Variants in FEZ2 observed in about 807,000 individuals in gnomAD.
FEZ2 encodes the protein fasciculation and elongation protein zeta 2, also known as fasciculation and elongation protein zeta-2.
A neutral mutation model predicts 40.4 loss-of-function variants in FEZ2; 51 were observed. That is an observed-to-expected ratio of 1.26 (90% CI 1.01 to 1.59). FEZ2 has a LOEUF of 1.59. FEZ2 is among the 40% of genes most tolerant of loss of function. The pLI, the probability that FEZ2 is intolerant of heterozygous loss-of-function variation, is 0.00. For synonymous variants in FEZ2, 242 were observed against 172.0 expected (o/e 1.41, Z -3.18); for missense variants, 640 against 438.3 (o/e 1.46, Z -4.11).
At chr2:36,577,411 C>T (rs1447786720) in intron 5 of FEZ2, among the ~76,000 whole-genome samples, 1 of 152,134 alleles carries the variant, frequency 6.6e-6, no homozygotes, top group Non-Finnish European at 1.5e-5. Context: ...GCATGCAGCA[C>T]CACACCCGGC....
intron 5 of FEZ2, among the ~76,000 whole-genome samples, chr2:36,570,178 G>A (rs571083437): frequency 1.3e-5 from 2 of 151,954 alleles, no homozygotes; most frequent in African/African-American, 4.8e-5. Flanking sequence ...TAATTTTAAT[G>A]TGAATTATAA....
intron 5 of FEZ2, among the ~76,000 whole-genome samples, chr2:36,565,484 A>T (rs1260430578): frequency 6.6e-6 from 1 of 152,124 alleles, no homozygotes; most frequent in East Asian, 1.9e-4. Flanking sequence ...AGCTTTCACC[A>T]TAATGAGCAG....
At chr2:36,559,172 T>C (rs1017064736) in intron 5 of FEZ2, 4 of 152,184 alleles carry the variant, frequency 2.6e-5, no homozygotes, top group African/African-American at 4.8e-5. Context: ...AAATGAATAA[T>C]GAAAATTAAT....
intron 2 of FEZ2, among the ~76,000 whole-genome samples, chr2:36,589,000 C>A (rs1190883856): frequency 3.9e-5 from 6 of 152,144 alleles, no homozygotes; most frequent in Non-Finnish European, 7.4e-5. Flanking sequence ...GTGCATTCTG[C>A]ATTATTTTAA....
intron 1 of FEZ2, among the ~76,000 whole-genome samples, chr2:36,596,527 G>T (rs1248083277): frequency 1.3e-5 from 2 of 152,204 alleles, no homozygotes; most frequent in African/African-American, 4.8e-5. Flanking sequence ...TGCGATGATG[G>T]CTCACTGCAA....
chr2:36,554,332 CCTTCCATGCA>C, intron 7 of FEZ2: 1 of 470,948 alleles, frequency 2.1e-6, no homozygotes, highest in Non-Finnish European at 4.4e-6. Context: ...GTCATAACAT[CCTTCCATGCA>C]GTTAAATGCT....
chr2:36,597,976 T>G lies in FEZ2; in HGVS notation c.167A>C (p.Glu56Ala). 2.0e-6 allele frequency: 3 copies of G among 1,486,902 alleles called. No homozygotes were observed. The highest frequency in any genetic ancestry group is 2.7e-6 in the Non-Finnish European group (3 of 1,124,584). 92.1% of individuals were successfully genotyped at this position (1,486,902 alleles called of 1,614,324 possible). Residue 56 changes from glutamate to alanine, a missense_variant, in exon 1 of 8, where the codon GAG (glutamate) becomes GCG (alanine). Transcript: ENST00000405912. The part of the protein sequence containing the change: ...GFPAPACSLE[E>A]KLSLCFRPSD... ...GGGGCGGAAGCACAGGCTCAGCTTC[T>G]CCTCCAAGCTGCAGGCCGGGGCCGG...
At chr2:36,592,445 C>T (rs9677227) in intron 1 of FEZ2, among the ~76,000 whole-genome samples, 2,282 of 151,952 alleles carry the variant, frequency 0.015, 50 homozygotes, top group African/African-American at 0.051. Context: ...AGGGATTGGG[C>T]GCTAAAAAGA....
At chr2:36,562,474 C>T (rs1357693560) in intron 5 of FEZ2, among the ~76,000 whole-genome samples, 1 of 152,152 alleles carries the variant, frequency 6.6e-6, no homozygotes, top group African/African-American at 2.4e-5. Context: ...TTACAGGAGA[C>T]TGTACAAATA....
chr2:36,576,713 C>A (rs1668581309), intron 5 of FEZ2, among the ~76,000 whole-genome samples: 2 of 152,218 alleles, frequency 1.3e-5, no homozygotes, highest in Admixed American at 1.3e-4. Flanking sequence ...AAAATATTTA[C>A]TGTTACTATG....
At chr2:36,567,092 G>A (rs1334017381) in intron 5 of FEZ2, among the ~76,000 whole-genome samples, 1 of 152,082 alleles carries the variant, frequency 6.6e-6, no homozygotes, top group African/African-American at 2.4e-5. Flanking sequence ...GGAGAGACAG[G>A]TCTTAGGCAT....
intron 5 of FEZ2, among the ~76,000 whole-genome samples, chr2:36,559,576 C>G (rs570516796): frequency 6.6e-6 from 1 of 152,334 alleles, no homozygotes; most frequent in South Asian, 2.1e-4. Context: ...AGTGTCCCAC[C>G]GTCTTTTTGA....
intron 5 of FEZ2, chr2:36,560,928 T>C: frequency 9.7e-7 from 1 of 1,029,596 alleles, no homozygotes; most frequent in Non-Finnish European, 1.5e-6. Context: ...AGTCTATTAG[T>C]AAGAATGTAC....
Position 36,576,550 on chromosome 2 carries a change from C to T in FEZ2, c.903+2047G>A, listed in dbSNP as rs543029898. 9.2e-5 allele frequency among the ~76,000 whole-genome samples: 14 copies of T among 152,252 alleles called. No homozygotes were observed. In the East Asian group the frequency reaches 2.3e-3, roughly 25 times the overall value. ...CCTCCCAAAGTGCTGGGATTACAGG[C>T]GTGAGCCACCGCGCCCGGCCGCATT... On this transcript the variant is annotated intron_variant, in intron 5 of 7. Transcript: ENST00000405912.
At chr2:36,590,800 T>G in intron 2 of FEZ2, 103 bp downstream of exon 2, 40 of 719,154 alleles carry the variant, frequency 5.6e-5, no homozygotes, top group East Asian at 8.2e-5. Context: ...ATTTCAGAAA[T>G]GAGAGGCAGG....
chr2:36,591,219 A>G, intron 1 of FEZ2: 1 of 571,358 alleles, frequency 1.8e-6, no homozygotes, highest in East Asian at 2.9e-5. Flanking sequence ...AAGAAGTCCT[A>G]AGGGAAGGTG....
At chr2:36,593,596 C>T (rs1669132053) in intron 1 of FEZ2, among the ~76,000 whole-genome samples, 1 of 152,070 alleles carries the variant, frequency 6.6e-6, no homozygotes, top group Non-Finnish European at 1.5e-5. Flanking sequence ...CCCCTTTCAG[C>T]CACAGCTGGA....
chr2:36,595,922 A>C (rs1052060235), intron 1 of FEZ2, among the ~76,000 whole-genome samples: 1 of 152,118 alleles, frequency 6.6e-6, no homozygotes, highest in South Asian at 2.1e-4. Context: ...TGAAACAAAA[A>C]CTCTTAACGA....
intron 5 of FEZ2, among the ~76,000 whole-genome samples, chr2:36,559,694 G>A (rs1668043346): frequency 6.6e-6 from 1 of 152,258 alleles, no homozygotes; most frequent in African/African-American, 2.4e-5. Context: ...CACTCTGCAT[G>A]TGTGAGGCAA....
Sources: allele counts gnomAD v4.1 joint callset (sites outside exome capture counted in the v4.1 genomes callset), GRCh38; gene constraint gnomAD v4.1.1; transcripts MANE v1.5; gene names NCBI Gene and HGNC (gene_info 2026-07-23, HGNC 2026-07-21).